The following CNTNAP2 variants were observed in gnomAD, a reference collection of about 807,000 sequenced individuals.
CNTNAP2 encodes contactin-associated protein-like 2.
Under a neutral mutation model 155.2 loss-of-function variants are expected in CNTNAP2, and 98 were observed. The ratio of observed to expected loss-of-function variants is 0.63; its 90% CI spans 0.54 to 0.75. The LOEUF (loss-of-function observed/expected upper bound fraction) is 0.75, where lower values mean the gene tolerates loss of function less well. Among genes scored for constraint, CNTNAP2 ranks in the 30% least tolerant of loss-of-function variants. The pLI is 0.00. For synonymous variants in CNTNAP2, 651 were observed against 631.2 expected (o/e 1.03, Z -0.47); for missense variants, 1,727 against 1,688.1 (o/e 1.02, Z -0.40).
At chr7:146,951,577 T>C (rs1232238022) in intron 3 of CNTNAP2, among the ~76,000 whole-genome samples, 1 of 152,120 alleles carries the variant, frequency 6.6e-6, no homozygotes, top group Non-Finnish European at 1.5e-5. Flanking sequence ...CTTGTTTTTA[T>C]CAGGTTTGTC....
intron 8 of CNTNAP2, among the ~76,000 whole-genome samples, chr7:147,154,138 G>A (rs901491451): frequency 6.6e-6 from 1 of 151,810 alleles, no homozygotes; most frequent in African/African-American, 2.4e-5. Flanking sequence ...TTACCCACTA[G>A]ATGTAATAAC....
intron 3 of CNTNAP2, among the ~76,000 whole-genome samples, chr7:146,859,806 C>T (rs923311691): frequency 4.0e-5 from 6 of 151,860 alleles, no homozygotes; most frequent in East Asian, 1.9e-4. Flanking sequence ...AAATATTGCA[C>T]GTGGTATCTC....
chr7:146,524,064 T>G (rs1797653415), intron 1 of CNTNAP2, among the ~76,000 whole-genome samples: 1 of 152,104 alleles, frequency 6.6e-6, no homozygotes, highest in Non-Finnish European at 1.5e-5. Context: ...GGCATACTAT[T>G]AAACCTGTTA....
At chr7:147,017,803 C>T (rs765503678) in intron 3 of CNTNAP2, among the ~76,000 whole-genome samples, 6 of 151,952 alleles carry the variant, frequency 3.9e-5, no homozygotes, top group Non-Finnish European at 7.4e-5. Flanking sequence ...TAGCAGAATA[C>T]TACAGCTGGT....
At chr7:146,193,780 G>A (rs1181427831) in intron 1 of CNTNAP2, among the ~76,000 whole-genome samples, 3 of 152,168 alleles carry the variant, frequency 2.0e-5, no homozygotes, top group African/African-American at 7.2e-5. Context: ...CTCAGAAAAT[G>A]GGTTTTCCTT....
chr7:146,796,598 A>C (rs1164687411), intron 2 of CNTNAP2, among the ~76,000 whole-genome samples: 1 of 152,104 alleles, frequency 6.6e-6, no homozygotes, highest in African/African-American at 2.4e-5. Flanking sequence ...ATAATTAAAG[A>C]AGTGATATAA....
intron 18 of CNTNAP2, among the ~76,000 whole-genome samples, chr7:148,180,571 G>A (rs184175201): frequency 1.3e-5 from 2 of 152,156 alleles, no homozygotes; most frequent in East Asian, 3.9e-4. Flanking sequence ...AAATTGAATA[G>A]GGACTTACCA....
intron 1 of CNTNAP2, among the ~76,000 whole-genome samples, chr7:146,194,401 G>T (rs887010550): frequency 6.6e-6 from 1 of 152,186 alleles, no homozygotes; most frequent in Non-Finnish European, 1.5e-5. Flanking sequence ...ATGGTTGCAG[G>T]CAAGAGAACG....
chr7:147,786,815 A>T (rs1412782066), intron 13 of CNTNAP2, among the ~76,000 whole-genome samples: 1 of 152,148 alleles, frequency 6.6e-6, no homozygotes, highest in African/African-American at 2.4e-5. Context: ...CATAAAATTT[A>T]AAAATTAGCC....
intron 1 of CNTNAP2, among the ~76,000 whole-genome samples, chr7:146,443,478 C>T (rs1488031317): frequency 6.6e-6 from 1 of 152,120 alleles, no homozygotes; most frequent in East Asian, 1.9e-4. Context: ...TCCTGAGATA[C>T]AGAGTGAGAA....
chr7:147,075,041 G>A (rs940384985), intron 4 of CNTNAP2, among the ~76,000 whole-genome samples: 1 of 152,142 alleles, frequency 6.6e-6, no homozygotes, highest in Non-Finnish European at 1.5e-5. Context: ...ACCGTTAAGA[G>A]TACACAGTAA....
At chr7:146,166,358 G>T (rs1158913986) in intron 1 of CNTNAP2, among the ~76,000 whole-genome samples, 1 of 152,112 alleles carries the variant, frequency 6.6e-6, no homozygotes, top group Non-Finnish European at 1.5e-5. Context: ...ATCCCAAAGT[G>T]CTGGGATTAC....
chr7:147,359,892 T>C (rs1194674387), intron 9 of CNTNAP2, among the ~76,000 whole-genome samples: 2 of 152,170 alleles, frequency 1.3e-5, no homozygotes, highest in African/African-American at 4.8e-5. Context: ...TCTCCTAATA[T>C]GATATGTTCT....
intron 1 of CNTNAP2, among the ~76,000 whole-genome samples, chr7:146,560,266 T>G (rs1798259934): frequency 6.6e-6 from 1 of 152,060 alleles, no homozygotes; most frequent in Admixed American, 6.6e-5. Context: ...GCCGATGAGT[T>G]TGTGCCAGTA....
intron 1 of CNTNAP2, among the ~76,000 whole-genome samples, chr7:146,698,289 A>G (rs1160107793): frequency 6.6e-6 from 1 of 151,842 alleles, no homozygotes. Context: ...TTCTAATCTG[A>G]GTCATTTTTT....
At chr7:146,875,954 AAAAAAAAC>A (rs1795417687) in intron 3 of CNTNAP2, among the ~76,000 whole-genome samples, 4 of 147,060 alleles carry the variant, frequency 2.7e-5, no homozygotes, top group Admixed American at 6.8e-5. Context: ...AAAAAAAAAA[AAAAAAAAC>A]AAAAAACAAA....
chr7:148,203,918 G>T (rs367930662), intron 18 of CNTNAP2, among the ~76,000 whole-genome samples: 1 of 152,090 alleles, frequency 6.6e-6, no homozygotes, highest in African/African-American at 2.4e-5. Context: ...TCTTGGACTC[G>T]GTATACCATC....
intron 16 of CNTNAP2, among the ~76,000 whole-genome samples, chr7:148,126,238 C>T (rs761301195): frequency 1.3e-5 from 2 of 152,088 alleles, no homozygotes; most frequent in African/African-American, 2.4e-5. Context: ...GGTGTGGCTC[C>T]GTCATACACC....
intron 1 of CNTNAP2, among the ~76,000 whole-genome samples, chr7:146,656,951 A>G (rs1800005537): frequency 6.6e-6 from 1 of 152,156 alleles, no homozygotes; most frequent in Non-Finnish European, 1.5e-5. Context: ...TGAGATCCCA[A>G]TTCAATGCCT....
Sources: allele counts gnomAD v4.1 joint callset (sites outside exome capture counted in the v4.1 genomes callset), GRCh38; gene constraint gnomAD v4.1.1; transcripts MANE v1.5; gene names NCBI Gene and HGNC (gene_info 2026-07-23, HGNC 2026-07-21).